Variants in PLEKHH2 observed in about 807,000 individuals in gnomAD.
PLEKHH2 encodes pleckstrin homology domain-containing family H member 2.
Under a neutral mutation model 187.9 loss-of-function variants are expected in PLEKHH2, and 129 were observed. The observed-to-expected ratio is 0.69, with a 90% confidence interval of 0.59 to 0.79. The LOEUF (loss-of-function observed/expected upper bound fraction) is 0.79. Ranked by LOEUF, PLEKHH2 falls within the 30% of genes least tolerant of loss-of-function variation. The pLI is 0.00. For missense variants in PLEKHH2, 2,076 were observed against 1,751.2 expected (o/e 1.19, Z -3.31); for synonymous variants, 686 against 605.6 (o/e 1.13, Z -1.95).
In PLEKHH2 at chr2:43,741,046, G is replaced by A. The variant is rs771766775; in HGVS notation, c.3221+3G>A. ...CTAAAGAGGAATGCAGATTCCAGGTGTGCAGAATACTAGCCAGCTGAACTG... is the reference window on the plus strand; with the variant it reads ...CTAAAGAGGAATGCAGATTCCAGGTATGCAGAATACTAGCCAGCTGAACTG... On this transcript the variant is annotated splice_donor_region_variant and intron_variant, in intron 21 of 29. Transcript: ENST00000282406. 3 of 1,606,778 alleles carry A rather than the reference G, an allele frequency of 1.9e-6. No individual in the cohort carries two copies. Among genetic ancestry groups the A allele is most frequent in the East Asian group, 2.2e-5 (1 of 44,822 alleles).
chr2:43,680,925 G>A, intron 3 of PLEKHH2: 1 of 716,292 alleles, frequency 1.4e-6, no homozygotes, highest in Non-Finnish European at 2.3e-6. Context: ...TTTATGTCCA[G>A]GGCCACTTTA....
intron 1 of PLEKHH2, among the ~76,000 whole-genome samples, chr2:43,641,239 C>G (rs1030556805): frequency 6.6e-6 from 1 of 152,010 alleles, no homozygotes; most frequent in Non-Finnish European, 1.5e-5. Flanking sequence ...TTGATAGTGT[C>G]CTTTGAAGGA....
chr2:43,727,074 A>T (rs1176074757), intron 17 of PLEKHH2, among the ~76,000 whole-genome samples: 1 of 150,708 alleles, frequency 6.6e-6, no homozygotes, highest in Non-Finnish European at 1.5e-5. Context: ...ATTATTTTTT[A>T]AAAAGGCCTT....
chr2:43,719,526 G>A (rs1473759675), intron 15 of PLEKHH2, among the ~76,000 whole-genome samples: 3 of 152,104 alleles, frequency 2.0e-5, no homozygotes, highest in Admixed American at 1.3e-4. Context: ...TGCAAACTCC[G>A]TGTCCCGGTT....
At position 43,763,586 on chromosome 2, in the gene PLEKHH2, A is replaced by ATTT. The variant is rs541418802; in HGVS notation, c.4159-625_4159-623dup. On this transcript the variant is annotated intron_variant, in intron 28 of 29. Coordinates refer to ENST00000282406, the MANE Select transcript of PLEKHH2 (RefSeq NM_172069.4). ...AAGCATGTACTACCATGCCCGGCTAATTTTTTTTTTTTTTTTTTTCATAGA... is the reference window on the plus strand; with the variant it reads ...AAGCATGTACTACCATGCCCGGCTAATTTTTTTTTTTTTTTTTTTTTTCATAGA... Among the ~76,000 whole-genome samples, 644 of 130,352 alleles carry ATTT rather than the reference A, an allele frequency of 4.9e-3. 10 individuals carry two copies. The highest frequency in any genetic ancestry group is 0.018 in the African/African-American group (610 of 34,742). 85.5% of individuals were successfully genotyped at this position (130,352 alleles called of 152,430 possible). A position where few individuals can be genotyped will look rare whatever the true frequency, so the allele number is the denominator to read the frequency against.
chr2:43,747,801 C>G (rs1163981932), intron 24 of PLEKHH2, among the ~76,000 whole-genome samples: 1 of 152,104 alleles, frequency 6.6e-6, no homozygotes, highest in African/African-American at 2.4e-5. Flanking sequence ...TCAGAGGTCT[C>G]TTTTTGGAAG....
intron 23 of PLEKHH2, 104 bp from the exon 24 acceptor site, chr2:43,745,762 G>C: frequency 1.4e-6 from 1 of 736,856 alleles, no homozygotes; most frequent in Non-Finnish European, 2.2e-6. Flanking sequence ...AGTATATTTG[G>C]TTTGATCATA....
intron 3 of PLEKHH2, chr2:43,680,618 T>A (rs2104432090): frequency 3.6e-6 from 1 of 274,866 alleles, no homozygotes; most frequent in Non-Finnish European, 7.2e-6. Context: ...GCACTGCTGT[T>A]CTTTCCACTA....
chr2:43,744,028 CA>C (rs1209709552), intron 23 of PLEKHH2, 39 bp downstream of exon 23: 1 of 1,595,360 alleles, frequency 6.3e-7, no homozygotes, highest in African/African-American at 1.3e-5. Flanking sequence ...GCCCAACGAA[CA>C]GCAAAGAAGC....
chr2:43,679,567 C>A (rs141964683), intron 3 of PLEKHH2: 62 of 289,994 alleles, frequency 2.1e-4, no homozygotes, highest in African/African-American at 1.4e-3. Context: ...GCGATCTTGG[C>A]TTACTGCAAC....
intron 2 of PLEKHH2, among the ~76,000 whole-genome samples, chr2:43,650,145 T>A (rs187737248): frequency 2.5e-5 from 1 of 39,584 alleles, no homozygotes; most frequent in Non-Finnish European, 5.8e-5. Flanking sequence ...TTTTCTTTCC[T>A]TTTTTTTTTT....
intron 23 of PLEKHH2, 127 bp downstream of exon 23, chr2:43,744,116 C>T: frequency 1.4e-6 from 2 of 1,416,170 alleles, no homozygotes; most frequent in Non-Finnish European, 1.8e-6. Context: ...ATCTAATCTC[C>T]ACGATAAGAA....
intron 3 of PLEKHH2, chr2:43,680,942 AT>A (rs1668142899): frequency 1.1e-6 from 1 of 904,582 alleles, no homozygotes; most frequent in Non-Finnish European, 1.6e-6. Context: ...TTTAGTTGCA[AT>A]TATTTTTACT....
intron 27 of PLEKHH2, among the ~76,000 whole-genome samples, chr2:43,759,442 A>T (rs548075560): frequency 6.6e-6 from 1 of 152,316 alleles, no homozygotes; most frequent in Admixed American, 6.5e-5. Context: ...TTCCAGGACT[A>T]TTTTACTTTG....
intron 15 of PLEKHH2, among the ~76,000 whole-genome samples, chr2:43,714,508 T>G (rs1399039512): frequency 1.3e-5 from 2 of 152,332 alleles, no homozygotes; most frequent in South Asian, 4.1e-4. Flanking sequence ...CAATATGAGA[T>G]ACTGTCAAAT....
chr2:43,700,428 T>G lies in PLEKHH2; in HGVS notation c.1470T>G (p.Asp490Glu), dbSNP rs770821206. The G allele has an allele frequency of 2.5e-6, 4 of 1,613,882 alleles. No homozygotes were observed. In the African/African-American group the frequency reaches 5.3e-5, roughly 22 times the overall value. ...RPLRPQETDL[D>E]LVDGDSTEVL... Reference sequence around the variant, plus strand: ...TGAGACCTCAGGAAACTGATCTTGATCTAGTTGATGGAGACAGTACAGAAG... The same window carrying G: ...TGAGACCTCAGGAAACTGATCTTGAGCTAGTTGATGGAGACAGTACAGAAG... Residue 490 changes from aspartate to glutamate, a missense_variant, in exon 8 of 30, where the codon GAT becomes GAG. By Grantham distance (45) the Asp-to-Glu change is conservative (BLOSUM62 2). Transcript: ENST00000282406.
intron 2 of PLEKHH2, chr2:43,676,117 C>T (rs559349613): frequency 1.2e-6 from 2 of 1,613,874 alleles, no homozygotes; most frequent in South Asian, 1.1e-5. Context: ...ACAGAAAACA[C>T]GAATACTTTT....
chr2:43,711,925 G>A lies in PLEKHH2; in HGVS notation c.2302-300G>A, dbSNP rs186628249. 9 of 1,042,056 alleles carry A rather than the reference G, an allele frequency of 8.6e-6. No individual in the cohort carries two copies. In the Admixed American group the frequency reaches 4.7e-4, roughly 54 times the overall value. The allele number at this position is 1,042,056 out of a possible 1,614,324, so 64.6% of individuals were successfully genotyped here. A position where few individuals can be genotyped will look rare whatever the true frequency, so the allele number is the denominator to read the frequency against. ...AAAAAAAAAAGAAAAGTAGGAACCTGTAACACATTTAAGCAAGAAAGGGAA... is the reference window on the plus strand; with the variant it reads ...AAAAAAAAAAGAAAAGTAGGAACCTATAACACATTTAAGCAAGAAAGGGAA... On this transcript the variant is annotated intron_variant, in intron 14 of 29. Transcript: ENST00000282406.
intron 2 of PLEKHH2, chr2:43,675,392 C>T: frequency 6.3e-7 from 1 of 1,589,992 alleles, no homozygotes; most frequent in Non-Finnish European, 8.6e-7. Context: ...TTTTCTGAAC[C>T]AACTGGAGGC....
Sources: gnomAD v4.1 joint callset for allele counts (sites outside exome capture counted in the v4.1 genomes callset) on GRCh38, gnomAD v4.1.1 for gene constraint, MANE v1.5 for transcripts, NCBI Gene and HGNC (gene_info 2026-07-23, HGNC 2026-07-21) for gene names.